LAMA5: variants seen among roughly 807,000 people sequenced by gnomAD.
The protein encoded by LAMA5 is laminin subunit alpha-5.
Under a neutral mutation model 433.4 loss-of-function variants are expected in LAMA5, and 260 were observed. The ratio of observed to expected loss-of-function variants is 0.60; its 90% CI spans 0.54 to 0.66. LAMA5 has a LOEUF of 0.66. LAMA5 is among the 30% of genes least tolerant of loss of function. The pLI is 0.00. For missense variants in LAMA5, 5,378 were observed against 5,258.5 expected (o/e 1.02, Z -0.70); for synonymous variants, 2,620 against 2,226.6 (o/e 1.18, Z -4.97).
At position 62,319,715 on chromosome 20, in the gene LAMA5, C is replaced by A. The variant is rs148683446; in HGVS notation, c.6840G>T (p.Ala2280=). ...GGGTGCGGTCCACAGCCCGGATGGC[C>A]GCCAACAGCGTCTTCGCATGGCCCA... ...ATLGHAKTLL[A]AIRAVDRTLS... The change falls in exon 51 of 80, where the codon GCG becomes GCT. Residue 2280 remains alanine (A), a synonymous_variant. Coordinates refer to ENST00000252999, the MANE Select transcript of LAMA5 (RefSeq NM_005560.6). The A allele has an allele frequency of 1.9e-6, 3 of 1,546,576 alleles. No individual in the cohort carries two copies. The Admixed American group carries it at 5.9e-5, about 30-fold the overall frequency.
Position 62,325,460 on chromosome 20 carries a change from G to C in LAMA5, c.5385C>G (p.Ile1795Met), listed in dbSNP as rs1186697289. The C allele has an allele frequency of 2.5e-6, 4 of 1,612,544 alleles. No homozygotes were observed. The East Asian group carries it at 6.7e-5, about 27-fold the overall frequency. ...AGGAGATCTGTGAGAAGAGGGCACG[G>C]ATCTGCAGCTGCTCCAGGCTGGCCA... ...MVLASLEQLQ[I>M]RALFSQISSA... is the part of the protein sequence containing the mutation. The change falls in exon 41 of 80, where the codon ATC becomes ATG. Residue 1795 changes from isoleucine to methionine, a missense_variant. Physicochemically the swap from Ile to Met is conservative, Grantham distance 10 (BLOSUM62 1). Transcript: ENST00000252999.
chr20:62,330,388 G>A (rs999346576), intron 31 of LAMA5, 100 bp downstream of exon 31: 14 of 1,403,634 alleles, frequency 1.0e-5, no homozygotes, highest in Middle Eastern at 2.5e-4. Flanking sequence ...GAGTCATGTT[G>A]CCTGTCGCTC....
chr20:62,335,474 C>A (rs1215755592), intron 18 of LAMA5, among the ~76,000 whole-genome samples: 2 of 149,554 alleles, frequency 1.3e-5, no homozygotes, highest in African/African-American at 4.9e-5. Flanking sequence ...CCAACACTCC[C>A]TCCAGAGCAC....
chr20:62,355,548 C>G (rs7270809), intron 2 of LAMA5: 1 of 152,276 alleles, frequency 6.6e-6, no homozygotes, highest in African/African-American at 2.4e-5. Flanking sequence ...GAGGGCTTGG[C>G]GTTGCGGGGA....
At chr20:62,322,621 C>CGGG in intron 46 of LAMA5, 37 bp downstream of exon 46, 1 of 1,101,226 alleles carries the variant, frequency 9.1e-7, no homozygotes, top group Non-Finnish European at 1.3e-6. Flanking sequence ...AGTCCCTAGG[C>CGGG]CCCACCCACC....
intron 11 of LAMA5, among the ~76,000 whole-genome samples, chr20:62,343,429 C>G (rs993217195): frequency 4.6e-5 from 7 of 152,064 alleles, no homozygotes; most frequent in East Asian, 1.9e-4. Context: ...AAGCTCCCCC[C>G]CAAAATAAGG....
In LAMA5 at chr20:62,326,626, G is replaced by C. The variant is rs762833608; in HGVS notation, c.5298+51C>G. 2.0e-6 allele frequency: 3 copies of C among 1,466,788 alleles called. No individual in the cohort carries two copies. In the Admixed American group the frequency reaches 5.1e-5, roughly 25 times the overall value. 90.9% of individuals were successfully genotyped at this position (1,466,788 alleles called of 1,614,324 possible). A position where few individuals can be genotyped will look rare whatever the true frequency, so the allele number is the denominator to read the frequency against. On this transcript the variant is annotated intron_variant, in intron 40 of 79. Transcript: ENST00000252999. Reference sequence around the variant, plus strand: ...ACTGGGACCCCTTCCGGCCTTCCCAGATGAGCTGAGGTCCATGAGGGACCT... The same window carrying C: ...ACTGGGACCCCTTCCGGCCTTCCCACATGAGCTGAGGTCCATGAGGGACCT...
exon 1 of LAMA5, chr20:62,367,298 GAGCCCGGCGGGTCTGA>G: frequency 8.9e-7 from 1 of 1,123,240 alleles, no homozygotes; most frequent in Non-Finnish European, 1.1e-6. Flanking sequence ...CGCGCGGCGG[GAGCCCGGCGGGTCTGA>G]AGCCAGGCGG....
Position 62,315,206 on chromosome 20 carries a change from G to A in LAMA5, c.7869C>T (p.Asp2623=), listed in dbSNP as rs201926183. 344 of 1,603,376 alleles carry A rather than the reference G, an allele frequency of 2.1e-4. No homozygotes were observed. The highest frequency in any genetic ancestry group is 3.3e-4 in the Middle Eastern group (2 of 6,042). ...CATGTGCGATCTTCTTGCTTGTCTC[G>A]TCTGTGGTGGGCAGAGGGCAGGCTC... The part of the protein sequence containing the change: ...AAQAMLAMDT[D]ETSKKIAHAK... The change falls in exon 59 of 80, where the codon GAC becomes GAT. Residue 2623 remains aspartate (D), a splice_region_variant and synonymous_variant. Coordinates refer to ENST00000252999, the MANE Select transcript of LAMA5 (RefSeq NM_005560.6).
At chr20:62,351,650 A>G in intron 6 of LAMA5, 54 bp downstream of exon 6, 2 of 1,553,142 alleles carry the variant, frequency 1.3e-6, no homozygotes, top group African/African-American at 1.3e-5. Context: ...AAGGACAGGC[A>G]GGGAGCTGGG....
In LAMA5 at chr20:62,322,711, C is replaced by T. The variant is rs747624667; in HGVS notation, c.6112G>A (p.Gly2038Arg). 26 of 1,546,200 alleles carry T rather than the reference C, an allele frequency of 1.7e-5. No homozygotes were observed. The highest frequency in any genetic ancestry group is 3.9e-5 in the Admixed American group (2 of 51,916). Residue 2038 changes from glycine to arginine, a missense_variant, in exon 46 of 80, where the codon GGG becomes AGG. Coordinates refer to ENST00000252999, the MANE Select transcript of LAMA5 (RefSeq NM_005560.6). Reference protein sequence around the residue: ...CGTEACDPHSGHCLCKAGVTG... With the variant: ...CGTEACDPHSRHCLCKAGVTG... ...ACGCCCGCCTTGCACAGGCAGTGCC[C>T]GCTGTGGGGGTCGCAGGCCTCTGTC...
chr20:62,363,750 G>A (rs1185101367), intron 1 of LAMA5, among the ~76,000 whole-genome samples: 1 of 152,074 alleles, frequency 6.6e-6, no homozygotes, highest in Non-Finnish European at 1.5e-5. Context: ...CTAGGAGGAG[G>A]AGGCAGGAGC....
rs1271518758 is a variant in LAMA5, at chr20:62,334,627, G to A, written c.2483-6C>T. 5 of 1,543,990 alleles carry A rather than the reference G, an allele frequency of 3.2e-6. No homozygotes were observed. The highest frequency in any genetic ancestry group is 3.9e-5 in the Admixed American group (2 of 50,906). On this transcript the variant is annotated splice_region_variant and splice_polypyrimidine_tract_variant and intron_variant, in intron 20 of 79. Coordinates refer to ENST00000252999, the MANE Select transcript of LAMA5 (RefSeq NM_005560.6). Reference sequence around the variant, plus strand: ...GCCAATGTCACACCGGCAGCCTGCAGGGAGAAGGTGGGAGGTCAGAGGCTG... The same window carrying A: ...GCCAATGTCACACCGGCAGCCTGCAAGGAGAAGGTGGGAGGTCAGAGGCTG...
chr20:62,322,884 G>A (rs1478292650), intron 45 of LAMA5, 126 bp from the exon 46 acceptor site: 17 of 615,380 alleles, frequency 2.8e-5, no homozygotes, highest in South Asian at 6.5e-5. Context: ...CGGACCACCC[G>A]GCTACCCACT....
At position 62,311,793 on chromosome 20, in the gene LAMA5, C is replaced by A. The variant is rs768930183; in HGVS notation, c.9636-9G>T. On this transcript the variant is annotated splice_polypyrimidine_tract_variant and intron_variant, in intron 70 of 79. Transcript: ENST00000252999. ...CGACATACAGCCAGACTCTGGGGGG[C>A]GGGAGGCCGGAGGCTCGGTTTTTCC... 6 of 1,553,948 alleles carry A rather than the reference C, an allele frequency of 3.9e-6. No individual in the cohort carries two copies. The highest frequency in any genetic ancestry group is 3.5e-6 in the Non-Finnish European group (4 of 1,150,710).
In LAMA5 at chr20:62,326,764, G is replaced by T; in HGVS notation, c.5215-4C>A. On this transcript the variant is annotated splice_region_variant and splice_polypyrimidine_tract_variant and intron_variant, in intron 39 of 79. Transcript: ENST00000252999. ...ATGTGATGCTCATCTGGTTGCCCTGGGAAGGCACATGGGGAGGTGAGGGTT... is the reference window on the plus strand; with the variant it reads ...ATGTGATGCTCATCTGGTTGCCCTGTGAAGGCACATGGGGAGGTGAGGGTT... 1 of 1,612,948 alleles carries T rather than the reference G, an allele frequency of 6.2e-7. No individual in the cohort carries two copies. Among genetic ancestry groups the T allele is most frequent in the Non-Finnish European group, 8.5e-7 (1 of 1,179,826 alleles).
chr20:62,334,759 G>A (rs550769049), intron 20 of LAMA5, 138 bp from the exon 21 acceptor site: 1 of 36,856 alleles, frequency 2.7e-5, no homozygotes, highest in Non-Finnish European at 6.4e-5. Context: ...GGCTCAGGGC[G>A]AGGGCGAGGG....
rs777697419 is a variant in LAMA5 at position 62,312,999 on chromosome 20, C to T, written c.8967G>A (p.Leu2989=). The T allele has an allele frequency of 1.0e-5, 16 of 1,581,804 alleles. No homozygotes were observed. Among genetic ancestry groups the T allele is most frequent in the Non-Finnish European group, 1.4e-5 (16 of 1,161,768 alleles). ...GGCTGCCTTCTTGCACGGCCAAGCA[C>T]AGGAACTGGCTCTGCAGAAACAGGG... is the stretch of plus-strand genomic sequence containing the variant. ...LFFLKQQSQF[L]CLAVQEGSLV... is the part of the protein sequence containing the mutation. Residue 2989 remains leucine (L), a synonymous_variant, in exon 66 of 80, where the codon CTG becomes CTA. Transcript: ENST00000252999.
At position 62,333,175 on chromosome 20, in the gene LAMA5, C is replaced by T. The variant is rs778606957; in HGVS notation, c.3197G>A (p.Arg1066His). The change falls in exon 26 of 80, where the codon CGC (arginine) becomes CAC (histidine). Residue 1066 changes from arginine (R) to histidine (H), a missense_variant. By Grantham distance (29) the Arg-to-His change is conservative. Coordinates refer to ENST00000252999, the MANE Select transcript of LAMA5 (RefSeq NM_005560.6). ...PSAAGLEALC[R>H]QDNSLPRPCP... ...GGGCCGGGGCAGGCTGTTGTCCTGGCGACACAGGGCCTCCAGCCCGGCGGC... is the reference window on the plus strand; with the variant it reads ...GGGCCGGGGCAGGCTGTTGTCCTGGTGACACAGGGCCTCCAGCCCGGCGGC... The T allele has an allele frequency of 2.6e-5, 40 of 1,519,232 alleles. No individual in the cohort carries two copies. Among genetic ancestry groups the T allele is most frequent in the African/African-American group, 1.3e-4 (9 of 71,860 alleles). The allele number at this position is 1,519,232 out of a possible 1,614,324, so 94.1% of individuals were successfully genotyped here. A position where few individuals can be genotyped will look rare whatever the true frequency, so the allele number is the denominator to read the frequency against.
Sources: allele counts gnomAD v4.1 joint callset (sites outside exome capture counted in the v4.1 genomes callset), GRCh38; gene constraint gnomAD v4.1.1; transcripts MANE v1.5; gene names NCBI Gene and HGNC (gene_info 2026-07-23, HGNC 2026-07-21).